Variants in SLC35F1 observed in about 807,000 individuals in gnomAD.
SLC35F1 encodes the protein solute carrier family 35 member F1.
In SLC35F1, 14 loss-of-function variants were observed where a neutral mutation model predicts 48.7. The observed-to-expected ratio is 0.29, with a 90% CI of 0.19 to 0.45. The LOEUF (loss-of-function observed/expected upper bound fraction) is 0.45, where lower values mean the gene tolerates loss of function less well. SLC35F1 is among the 20% of genes least tolerant of loss of function. SLC35F1 has a pLI of 1.00. For synonymous variants in SLC35F1, 190 were observed against 202.2 expected (o/e 0.94, Z 0.51); for missense variants, 404 against 500.0 (o/e 0.81, Z 1.83).
intron 2 of SLC35F1, among the ~76,000 whole-genome samples, chr6:118,162,077 A>G (rs9489309): frequency 0.02 from 3,121 of 152,324 alleles, 117 homozygotes; most frequent in African/African-American, 0.07. Context: ...TACTCATTGC[A>G]TCTTTATTCA....
intron 1 of SLC35F1, among the ~76,000 whole-genome samples, chr6:118,083,767 T>C (rs969096096): frequency 2.6e-5 from 4 of 152,246 alleles, no homozygotes; most frequent in African/African-American, 7.2e-5. Flanking sequence ...TAATTTGCCC[T>C]TTAGCTATCA....
Position 117,990,489 on chromosome 6 carries a change from A to G in SLC35F1, c.173+82590A>G, listed in dbSNP as rs571323368. ...AAGTATATTATTTCAATAATTTCAAAATTCAAAGAAGAAATAGGACATTCT... is the reference window on the plus strand; with the variant it reads ...AAGTATATTATTTCAATAATTTCAAGATTCAAAGAAGAAATAGGACATTCT... On this transcript the variant is annotated intron_variant, in intron 1 of 7. Coordinates refer to ENST00000360388, the MANE Select transcript of SLC35F1 (RefSeq NM_001029858.4). 4.6e-5 allele frequency among the ~76,000 whole-genome samples: 7 copies of G among 152,302 alleles called. No homozygotes were observed. In the East Asian group the frequency reaches 1.4e-3, roughly 29 times the overall value.
At chr6:117,978,644 T>G (rs1208042436) in intron 1 of SLC35F1, among the ~76,000 whole-genome samples, 1 of 152,194 alleles carries the variant, frequency 6.6e-6, no homozygotes, top group Non-Finnish European at 1.5e-5. Flanking sequence ...GAAACCCTGG[T>G]TCCCATTCTG....
At chr6:118,181,776 A>G (rs1582716003) in intron 2 of SLC35F1, among the ~76,000 whole-genome samples, 2 of 152,286 alleles carry the variant, frequency 1.3e-5, no homozygotes, top group African/African-American at 4.8e-5. Flanking sequence ...TAAACTCCAA[A>G]AAGAGAGCTA....
intron 2 of SLC35F1, among the ~76,000 whole-genome samples, chr6:118,165,546 GAC>G (rs1774304306): frequency 6.6e-6 from 1 of 152,208 alleles, no homozygotes; most frequent in Non-Finnish European, 1.5e-5. Flanking sequence ...AATGAAGCTT[GAC>G]CACCTTCTTT....
intron 1 of SLC35F1, among the ~76,000 whole-genome samples, chr6:118,120,528 C>T (rs964074856): frequency 5.9e-5 from 9 of 152,142 alleles, no homozygotes; most frequent in African/African-American, 2.2e-4. Context: ...CCCCCTACAA[C>T]TTATCCACCC....
intron 2 of SLC35F1, among the ~76,000 whole-genome samples, chr6:118,161,732 A>T (rs1362188744): frequency 6.6e-6 from 1 of 152,194 alleles, no homozygotes; most frequent in Non-Finnish European, 1.5e-5. Context: ...TAGATGCTTC[A>T]TGGGAATTAT....
intron 1 of SLC35F1, among the ~76,000 whole-genome samples, chr6:117,991,038 T>C (rs1776913968): frequency 6.6e-6 from 1 of 152,198 alleles, no homozygotes; most frequent in Non-Finnish European, 1.5e-5. Context: ...ACTAAGTGGG[T>C]ATTCTGATTG....
intron 2 of SLC35F1, among the ~76,000 whole-genome samples, chr6:118,185,217 G>T (rs1774639211): frequency 6.6e-6 from 1 of 152,084 alleles, no homozygotes; most frequent in Non-Finnish European, 1.5e-5. Context: ...TCTTGTGTGG[G>T]GCAGGAGTTA....
At chr6:117,923,678 C>CATATGTACATATATGTATATATACAT (rs1562238734) in intron 1 of SLC35F1, among the ~76,000 whole-genome samples, 3 of 20,966 alleles carry the variant, frequency 1.4e-4, no homozygotes, top group Non-Finnish European at 2.7e-4. Context: ...CATATATGTA[C>CATATGTACATATATGTATATATACAT]ATATATACAT....
At chr6:118,261,969 G>C (rs1367949151) in intron 3 of SLC35F1, among the ~76,000 whole-genome samples, 1 of 152,132 alleles carries the variant, frequency 6.6e-6, no homozygotes, top group Non-Finnish European at 1.5e-5. Flanking sequence ...CCCAGACTTA[G>C]AGTTGTGAAC....
intron 1 of SLC35F1, among the ~76,000 whole-genome samples, chr6:117,927,055 T>C (rs1776037452): frequency 6.6e-6 from 1 of 152,204 alleles, no homozygotes; most frequent in African/African-American, 2.4e-5. Context: ...TCAGACAAGT[T>C]ATCTAAACTC....
At chr6:118,055,153 T>C (rs1772446481) in intron 1 of SLC35F1, among the ~76,000 whole-genome samples, 1 of 152,210 alleles carries the variant, frequency 6.6e-6, no homozygotes, top group Non-Finnish European at 1.5e-5. Flanking sequence ...GTTTAAATAT[T>C]AGTAGGTGTT....
chr6:117,964,393 C>G (rs1402946595), intron 1 of SLC35F1, among the ~76,000 whole-genome samples: 1 of 152,206 alleles, frequency 6.6e-6, no homozygotes, highest in Non-Finnish European at 1.5e-5. Context: ...CCTCTCTTCT[C>G]TAGTGCAGAC....
chr6:117,935,598 T>A (rs990057889), intron 1 of SLC35F1, among the ~76,000 whole-genome samples: 1 of 152,208 alleles, frequency 6.6e-6, no homozygotes, highest in African/African-American at 2.4e-5. Flanking sequence ...CACAACCTTT[T>A]GGCACCTAGG....
Position 118,112,197 on chromosome 6 carries a change from C to T in SLC35F1, c.174-42248C>T, listed in dbSNP as rs937911293. Among the ~76,000 whole-genome samples the T allele has an allele frequency of 2.1e-4, 31 of 151,056 alleles. 2 individuals carry two copies. The highest frequency in any genetic ancestry group is 6.3e-4 in the African/African-American group (26 of 40,980). ...AGGCTGGAGTGCAGTGGCACGATCT[C>T]GGCTCACTGAAACCTCCACCTCCCA... On this transcript the variant is annotated intron_variant, in intron 1 of 7. Coordinates refer to ENST00000360388, the MANE Select transcript of SLC35F1 (RefSeq NM_001029858.4).
chr6:118,165,151 G>T (rs534152155), intron 2 of SLC35F1, among the ~76,000 whole-genome samples: 1 of 152,334 alleles, frequency 6.6e-6, no homozygotes, highest in East Asian at 1.9e-4. Context: ...GCCAAAGGAA[G>T]AAGTGGAGAA....
At chr6:118,102,594 C>T (rs969779916) in intron 1 of SLC35F1, among the ~76,000 whole-genome samples, 2 of 152,220 alleles carry the variant, frequency 1.3e-5, no homozygotes, top group Non-Finnish European at 2.9e-5. Context: ...TGCTAAGTGA[C>T]AGTTTCACGT....
At chr6:118,001,585 C>A (rs940804695) in intron 1 of SLC35F1, among the ~76,000 whole-genome samples, 3 of 151,856 alleles carry the variant, frequency 2.0e-5, no homozygotes, top group African/African-American at 7.3e-5. Context: ...GCAACAAAAG[C>A]CAAAATTGAC....
Sources: gnomAD v4.1 joint callset for allele counts (sites outside exome capture counted in the v4.1 genomes callset) on GRCh38, gnomAD v4.1.1 for gene constraint, MANE v1.5 for transcripts, NCBI Gene and HGNC (gene_info 2026-07-23, HGNC 2026-07-21) for gene names.